The following DLG2 variants were observed in gnomAD, a reference collection of about 807,000 sequenced individuals.
DLG2 encodes disks large homolog 2.
DLG2 carries 45 observed loss-of-function variants against 132.5 expected under a neutral mutation model. That is an observed-to-expected ratio of 0.34 (90% CI 0.27 to 0.44). The LOEUF (loss-of-function observed/expected upper bound fraction) is 0.44. Among genes scored for constraint, DLG2 ranks in the 20% least tolerant of loss-of-function variants. The pLI is 1.00. For missense variants in DLG2, 1,045 were observed against 1,196.9 expected (o/e 0.87, Z 1.87); for synonymous variants, 424 against 419.6 (o/e 1.01, Z -0.13).
intron 6 of DLG2, among the ~76,000 whole-genome samples, chr11:84,943,153 C>CGTGTGTGTGTGTGCGT (rs2049693779): frequency 1.5e-5 from 2 of 136,362 alleles, no homozygotes; most frequent in Non-Finnish European, 3.1e-5. Flanking sequence ...ATTTTTGGGT[C>CGTGTGTGTGTGTGCGT]GTGTGTGTGT....
intron 8 of DLG2, among the ~76,000 whole-genome samples, chr11:84,227,772 G>C (rs996227662): frequency 1.3e-5 from 2 of 152,062 alleles, no homozygotes; most frequent in Non-Finnish European, 2.9e-5. Context: ...AAATTAGCTA[G>C]CTGTGGTGGT....
In DLG2 at chr11:84,964,697, G is replaced by A. The variant is rs76529265; in HGVS notation, c.357+146964C>T. Among the ~76,000 whole-genome samples the A allele has an allele frequency of 1.2e-3, 187 of 152,128 alleles. 2 individuals are homozygous for A. The East Asian group carries it at 0.033, about 27-fold the overall frequency. ...AAAATATTCATGCACTAAGTTTATT[G>A]CACTTAGTCTTTACACAGTTTATGT... On this transcript the variant is annotated intron_variant, in intron 6 of 27. Coordinates refer to ENST00000376104, the MANE Select transcript of DLG2 (RefSeq NM_001142699.3).
intron 6 of DLG2, among the ~76,000 whole-genome samples, chr11:84,836,835 A>G (rs2079851568): frequency 6.6e-6 from 1 of 151,522 alleles, no homozygotes; most frequent in African/African-American, 2.4e-5. Context: ...CAAATGATTA[A>G]TTTATACCCA....
intron 6 of DLG2, among the ~76,000 whole-genome samples, chr11:84,655,806 A>T (rs574168860): frequency 6.6e-6 from 1 of 151,380 alleles, no homozygotes; most frequent in East Asian, 1.9e-4. Context: ...AAATAGCAGG[A>T]AACTATGCAA....
chr11:84,871,785 C>A (rs937318195), intron 6 of DLG2, among the ~76,000 whole-genome samples: 2 of 151,968 alleles, frequency 1.3e-5, no homozygotes, highest in Non-Finnish European at 2.9e-5. Flanking sequence ...TGCAGTACCA[C>A]GATCCTGGCT....
intron 6 of DLG2, among the ~76,000 whole-genome samples, chr11:84,899,263 T>C (rs923248756): frequency 3.9e-5 from 6 of 151,990 alleles, no homozygotes; most frequent in Non-Finnish European, 5.9e-5. Flanking sequence ...TTACAATAGA[T>C]TTGAGGAAGG....
rs561942531 is a variant in DLG2, at chr11:83,748,905, T to G, written c.1825+37785A>C. On this transcript the variant is annotated intron_variant, in intron 18 of 27. Transcript: ENST00000376104. ...TTTTTGCCATTTGAAATGAAATAAA[T>G]GAAAGATAATATTTTCCGTACTCTT... 1.1e-4 allele frequency among the ~76,000 whole-genome samples: 16 copies of G among 152,342 alleles called. No homozygotes were observed. In the South Asian group the frequency reaches 3.3e-3, roughly 32 times the overall value.
rs1566990870 is a variant in DLG2, at chr11:83,795,447, C to CTATATA, written c.1723-8656_1723-8655insTATATA. On this transcript the variant is annotated intron_variant, in intron 17 of 27. Transcript: ENST00000376104. ...TATATCTATATCTATATCTATATAT[C>CTATATA]TATATCTATATCTATCTATTTGGGT... 2.6e-3 allele frequency among the ~76,000 whole-genome samples: 364 copies of CTATATA among 141,316 alleles called. 2 individuals are homozygous for CTATATA. Among genetic ancestry groups the CTATATA allele is most frequent in the Middle Eastern group, 0.014 (4 of 284 alleles). 92.7% of individuals were successfully genotyped at this position (141,316 alleles called of 152,430 possible). A position where few individuals can be genotyped will look rare whatever the true frequency, so the allele number is the denominator to read the frequency against.
At chr11:84,053,021 C>T (rs879079791) in intron 11 of DLG2, among the ~76,000 whole-genome samples, 2 of 151,956 alleles carry the variant, frequency 1.3e-5, no homozygotes, top group Admixed American at 1.3e-4. Flanking sequence ...ACCTAAATGC[C>T]CATCAATGAC....
intron 11 of DLG2, among the ~76,000 whole-genome samples, chr11:83,984,212 AG>A (rs1209570973): frequency 1.3e-3 from 200 of 151,912 alleles, no homozygotes; most frequent in African/African-American, 4.8e-3. Context: ...ATAGATAGAT[AG>A]ATAGATAGAT....
At chr11:84,238,651 T>C (rs2097189495) in intron 8 of DLG2, among the ~76,000 whole-genome samples, 1 of 151,266 alleles carries the variant, frequency 6.6e-6, no homozygotes, top group Admixed American at 6.6e-5. Flanking sequence ...TTTTTTTTTT[T>C]TGGAAATAGA....
At chr11:83,830,505 A>G (rs973614124) in intron 17 of DLG2, among the ~76,000 whole-genome samples, 1 of 152,264 alleles carries the variant, frequency 6.6e-6, no homozygotes, top group Non-Finnish European at 1.5e-5. Flanking sequence ...TAATATGAAC[A>G]TAACAAGGCA....
chr11:84,206,238 A>T (rs538385551), intron 8 of DLG2, among the ~76,000 whole-genome samples: 21 of 152,222 alleles, frequency 1.4e-4, no homozygotes, highest in African/African-American at 4.8e-4. Context: ...TCTGTTGAAA[A>T]CATTGAATGT....
chr11:84,751,734 A>T (rs1361034299), intron 6 of DLG2, among the ~76,000 whole-genome samples: 2 of 152,228 alleles, frequency 1.3e-5, no homozygotes, highest in East Asian at 1.9e-4. Context: ...ATAAGTGCTT[A>T]ATTAGCAACA....
chr11:84,361,698 T>C (rs543533797), intron 7 of DLG2, among the ~76,000 whole-genome samples: 2 of 152,154 alleles, frequency 1.3e-5, no homozygotes, highest in East Asian at 1.9e-4. Flanking sequence ...CTCTTTAAGA[T>C]ATAAATGACT....
intron 6 of DLG2, among the ~76,000 whole-genome samples, chr11:84,710,392 T>A (rs1278093552): frequency 2.6e-5 from 4 of 151,950 alleles, no homozygotes; most frequent in Non-Finnish European, 4.4e-5. Flanking sequence ...TACCTACATT[T>A]CTCCAAATGG....
chr11:84,418,558 G>A lies in DLG2; in HGVS notation c.519+116012C>T, dbSNP rs573025880. The stretch of plus-strand genomic sequence containing the variant: ...AGTTTGAAATCCTGGTGGAGTCCAT[G>A]CTTTTAACCATTATTGCACTGTATT... On this transcript the variant is annotated intron_variant, in intron 7 of 27. Transcript: ENST00000376104. Among the ~76,000 whole-genome samples, 3 of 152,272 alleles carry A rather than the reference G, an allele frequency of 2.0e-5. No homozygotes were observed. The East Asian group carries it at 5.8e-4, about 29-fold the overall frequency.
At chr11:84,086,706 C>T (rs1186589562) in intron 10 of DLG2, among the ~76,000 whole-genome samples, 1 of 151,932 alleles carries the variant, frequency 6.6e-6, no homozygotes, top group African/African-American at 2.4e-5. Flanking sequence ...TAGAGGCTGG[C>T]CTCCAACTCC....
chr11:84,038,198 G>A (rs926748479), intron 11 of DLG2, among the ~76,000 whole-genome samples: 1 of 151,702 alleles, frequency 6.6e-6, no homozygotes, highest in Non-Finnish European at 1.5e-5. Flanking sequence ...ACTATCAACT[G>A]AGCAAACAGA....
Sources: allele counts gnomAD v4.1 joint callset (sites outside exome capture counted in the v4.1 genomes callset), GRCh38; gene constraint gnomAD v4.1.1; transcripts MANE v1.5; gene names NCBI Gene and HGNC (gene_info 2026-07-23, HGNC 2026-07-21).